The following CNTN4 variants were observed in gnomAD, a reference collection of about 807,000 sequenced individuals.
CNTN4 encodes contactin 4, also known as contactin-4.
A neutral mutation model predicts 122.5 loss-of-function variants in CNTN4; 77 were observed. The ratio of observed to expected loss-of-function variants is 0.63; its 90% CI spans 0.52 to 0.76. The LOEUF (loss-of-function observed/expected upper bound fraction) is 0.76, where lower values mean the gene tolerates loss of function less well. Ranked by LOEUF, CNTN4 falls within the 30% of genes least tolerant of loss-of-function variation. CNTN4 has a pLI of 0.00. For synonymous variants in CNTN4, 512 were observed against 447.0 expected (o/e 1.15, Z -1.83); for missense variants, 1,256 against 1,259.1 (o/e 1.00, Z 0.04).
intron 2 of CNTN4, among the ~76,000 whole-genome samples, chr3:2,171,419 T>G (rs1400197319): frequency 1.3e-5 from 2 of 152,164 alleles, no homozygotes; most frequent in East Asian, 3.9e-4. Context: ...AAAAAGAAAA[T>G]AATGTGAAAC....
At chr3:2,503,313 T>C (rs779950405) in intron 3 of CNTN4, among the ~76,000 whole-genome samples, 7 of 152,094 alleles carry the variant, frequency 4.6e-5, no homozygotes, top group African/African-American at 9.7e-5. Context: ...CATAGTAAGA[T>C]ATTAGTTGTA....
chr3:2,196,226 T>C (rs2037826019), intron 2 of CNTN4, among the ~76,000 whole-genome samples: 1 of 152,178 alleles, frequency 6.6e-6, no homozygotes, highest in Non-Finnish European at 1.5e-5. Flanking sequence ...AAAGGACTGA[T>C]ATGAGGTATG....
chr3:2,599,676 G>A (rs552811885), intron 4 of CNTN4, among the ~76,000 whole-genome samples: 145 of 152,166 alleles, frequency 9.5e-4, no homozygotes, highest in Non-Finnish European at 1.7e-3. Flanking sequence ...TTGGTTAAAA[G>A]TTTGTAATGG....
intron 2 of CNTN4, among the ~76,000 whole-genome samples, chr3:2,239,572 T>C (rs2039848718): frequency 6.6e-6 from 1 of 152,206 alleles, no homozygotes; most frequent in Non-Finnish European, 1.5e-5. Flanking sequence ...TAAGCTCAGT[T>C]CCTTATTTAT....
intron 2 of CNTN4, among the ~76,000 whole-genome samples, chr3:2,120,380 TATATATATATATATATATATA>T (rs2033660676): frequency 3.6e-5 from 1 of 27,536 alleles, no homozygotes; most frequent in East Asian, 8.4e-4. Context: ...TATAAATATA[TATATATATATATATATATATA>T]TATATTTTTT....
chr3:2,854,713 G>A (rs1324956420), intron 7 of CNTN4, among the ~76,000 whole-genome samples: 4 of 152,180 alleles, frequency 2.6e-5, no homozygotes, highest in Non-Finnish European at 5.9e-5. Flanking sequence ...AAGGTTGTGT[G>A]TTGTTAACTT....
At chr3:3,047,268 C>T (rs1316324123) in intron 23 of CNTN4, among the ~76,000 whole-genome samples, 1 of 152,032 alleles carries the variant, frequency 6.6e-6, no homozygotes, top group Non-Finnish European at 1.5e-5. Flanking sequence ...AGCTCTGCAC[C>T]AAGCAGACCT....
At chr3:2,677,528 A>G (rs563503110) in intron 4 of CNTN4, among the ~76,000 whole-genome samples, 10 of 144,926 alleles carry the variant, frequency 6.9e-5, no homozygotes, top group African/African-American at 2.1e-4. Context: ...CTATCTGTAG[A>G]GAGAAAGAGC....
rs1047426335 is a variant in CNTN4, at chr3:2,280,941, C to T, written c.-144-58237C>T. Among the ~76,000 whole-genome samples the T allele has an allele frequency of 7.2e-5, 11 of 152,156 alleles. No individual in the cohort carries two copies. The East Asian group carries it at 9.6e-4, about 13-fold the overall frequency. On this transcript the variant is annotated intron_variant, in intron 2 of 24. Transcript: ENST00000418658. ...CCTTGGGATGACAGAAGCAGCCGTT[C>T]GGAGGAGGCCTCTCCTTGCTCTGTT...
intron 7 of CNTN4, among the ~76,000 whole-genome samples, chr3:2,834,983 C>A (rs1320252726): frequency 7.3e-6 from 1 of 137,434 alleles, no homozygotes; most frequent in Non-Finnish European, 1.5e-5. Flanking sequence ...CGGCTCACTG[C>A]CAGCTCCGCC....
intron 3 of CNTN4, among the ~76,000 whole-genome samples, chr3:2,548,258 C>T (rs183525027): frequency 6.6e-6 from 1 of 152,132 alleles, no homozygotes; most frequent in East Asian, 1.9e-4. Context: ...CCATGCCTAT[C>T]TCCTCAATGG....
At position 2,123,246 on chromosome 3, in the gene CNTN4, A is replaced by G. The variant is rs554941114; in HGVS notation, c.-145+22607A>G. ...TGGGAATAACTATCCTCACTTTACA[A>G]TTTTGGAAATTTAAGTTCAAAACGG... On this transcript the variant is annotated intron_variant, in intron 2 of 24. Coordinates refer to ENST00000418658, the MANE Select transcript of CNTN4 (RefSeq NM_175607.3). Among the ~76,000 whole-genome samples the G allele has an allele frequency of 6.6e-5, 10 of 152,302 alleles. No homozygotes were observed. The South Asian group carries it at 8.3e-4, about 13-fold the overall frequency.
chr3:2,778,433 C>G (rs533523055), intron 6 of CNTN4, among the ~76,000 whole-genome samples: 17 of 142,428 alleles, frequency 1.2e-4, no homozygotes, highest in African/African-American at 4.3e-4. Context: ...AAAGCAAGTT[C>G]TCACCAGAAA....
chr3:2,489,866 C>G (rs1271061892), intron 3 of CNTN4, among the ~76,000 whole-genome samples: 1 of 152,088 alleles, frequency 6.6e-6, no homozygotes, highest in East Asian at 1.9e-4. Context: ...TGGGGAGAGC[C>G]CAGCCTATCT....
At chr3:2,657,875 C>T (rs2083668250) in intron 4 of CNTN4, among the ~76,000 whole-genome samples, 1 of 151,450 alleles carries the variant, frequency 6.6e-6, no homozygotes, top group Non-Finnish European at 1.5e-5. Context: ...AAATCATCAG[C>T]CACACTGTAC....
intron 2 of CNTN4, among the ~76,000 whole-genome samples, chr3:2,205,800 GT>G (rs1483973201): frequency 6.6e-6 from 1 of 151,192 alleles, no homozygotes; most frequent in East Asian, 1.9e-4. Flanking sequence ...ACAGCTGTTT[GT>G]TTTTTTTAGA....
intron 8 of CNTN4, chr3:2,882,797 T>C (rs929982991): frequency 6.2e-5 from 15 of 242,738 alleles, no homozygotes; most frequent in Non-Finnish European, 1.1e-4. Flanking sequence ...TTTTCTGCAG[T>C]ATACTTCCAA....
intron 3 of CNTN4, among the ~76,000 whole-genome samples, chr3:2,353,661 A>C (rs796227168): frequency 7.9e-5 from 12 of 152,270 alleles, no homozygotes; most frequent in African/African-American, 1.4e-4. Context: ...ACTCACCGTG[A>C]GGGTCTGCAG....
At chr3:2,856,913 A>T (rs1425577000) in intron 7 of CNTN4, among the ~76,000 whole-genome samples, 1 of 152,188 alleles carries the variant, frequency 6.6e-6, no homozygotes. Context: ...GAAGGACATG[A>T]CTCAAAGCTG....
Sources: allele counts gnomAD v4.1 joint callset (sites outside exome capture counted in the v4.1 genomes callset), GRCh38; gene constraint gnomAD v4.1.1; transcripts MANE v1.5; gene names NCBI Gene and HGNC (gene_info 2026-07-23, HGNC 2026-07-21).